PIBF1: variants seen among roughly 807,000 people sequenced by gnomAD.
PIBF1 encodes progesterone-induced-blocking factor 1.
PIBF1 carries 90 observed loss-of-function variants against 112.5 expected under a neutral mutation model. That is an observed-to-expected ratio of 0.80 (90% CI 0.67 to 0.95). The LOEUF is 0.95. Ranked by LOEUF, PIBF1 falls within the 40% of genes least tolerant of loss-of-function variation. The pLI is 0.00. For missense variants in PIBF1, 915 were observed against 852.3 expected (o/e 1.07, Z -0.92); for synonymous variants, 301 against 288.6 (o/e 1.04, Z -0.44).
intron 5 of PIBF1, among the ~76,000 whole-genome samples, chr13:72,809,325 G>A (rs2035892052): frequency 6.6e-6 from 1 of 151,274 alleles, no homozygotes. Context: ...TTTAGAACTT[G>A]GAGAATGGAG....
intron 10 of PIBF1, among the ~76,000 whole-genome samples, chr13:72,857,869 A>G (rs2038500508): frequency 6.6e-6 from 1 of 152,100 alleles, no homozygotes; most frequent in Non-Finnish European, 1.5e-5. Context: ...AAAACAAACT[A>G]TGCCTGTTTT....
intron 6 of PIBF1, among the ~76,000 whole-genome samples, chr13:72,826,660 C>T (rs2036826410): frequency 6.6e-6 from 1 of 151,716 alleles, no homozygotes; most frequent in African/African-American, 2.4e-5. Context: ...AACTGAAAGC[C>T]TAGAGCCATG....
intron 15 of PIBF1, among the ~76,000 whole-genome samples, chr13:72,971,442 G>A (rs1028104407): frequency 2.0e-5 from 3 of 152,122 alleles, no homozygotes; most frequent in Non-Finnish European, 2.9e-5. Context: ...GGAGACTCTA[G>A]CAGAACATGG....
intron 10 of PIBF1, among the ~76,000 whole-genome samples, chr13:72,874,083 G>A (rs1187244777): frequency 2.0e-5 from 3 of 152,120 alleles, no homozygotes; most frequent in East Asian, 3.9e-4. Context: ...TTTAAAACAC[G>A]GATATTACCA....
intron 16 of PIBF1, among the ~76,000 whole-genome samples, chr13:72,993,072 G>A (rs770136316): frequency 3.9e-4 from 59 of 152,090 alleles, no homozygotes; most frequent in Non-Finnish European, 6.0e-4. Context: ...AGTGGCTCAC[G>A]CCTGTAATCC....
In PIBF1 at chr13:72,918,726, A is replaced by G. The variant is rs570243959; in HGVS notation, c.1730+1560A>G. Among the ~76,000 whole-genome samples the G allele has an allele frequency of 4.5e-5, 6 of 133,104 alleles. No individual in the cohort carries two copies. In the South Asian group the frequency reaches 1.4e-3, roughly 32 times the overall value. The allele number at this position is 133,104 out of a possible 152,430, so 87.3% of individuals were successfully genotyped here. On this transcript the variant is annotated intron_variant, in intron 13 of 17. Coordinates refer to ENST00000326291, the MANE Select transcript of PIBF1 (RefSeq NM_006346.4). ...TACATCTTTTTTTTTTTTTTTTGAG[A>G]CAGAGACTCACTGTGTCACCCAGGC...
rs1372162330 is a variant in PIBF1, at chr13:72,883,939, C to CAT, written c.1323-9844_1323-9843insTA. ...TATTAAATATACAGATATATACGTA[C>CAT]ACACATACATACATACATGCATAAA... On this transcript the variant is annotated intron_variant, in intron 10 of 17. Coordinates refer to ENST00000326291, the MANE Select transcript of PIBF1 (RefSeq NM_006346.4). Among the ~76,000 whole-genome samples the CAT allele has an allele frequency of 1.1e-4, 8 of 72,658 alleles. No individual in the cohort carries two copies. The East Asian group carries it at 3.1e-3, about 29-fold the overall frequency. The allele number at this position is 72,658 out of a possible 152,430, so 47.7% of individuals were successfully genotyped here.
At chr13:72,874,945 A>G (rs9543155) in intron 10 of PIBF1, among the ~76,000 whole-genome samples, 18,112 of 152,102 alleles carry the variant, frequency 0.12, 1,447 homozygotes, top group Non-Finnish European at 0.17. Context: ...CCCAAACTCT[A>G]TAGTTTTCAT....
intron 16 of PIBF1, among the ~76,000 whole-genome samples, chr13:72,979,654 T>C (rs1310300934): frequency 1.3e-5 from 2 of 152,152 alleles, no homozygotes; most frequent in Non-Finnish European, 2.9e-5. Flanking sequence ...CCGGGCGTGG[T>C]GGCTCAAGCC....
chr13:72,927,986 TATACACAC>T (rs1478134617), intron 13 of PIBF1, among the ~76,000 whole-genome samples: 2 of 60,440 alleles, frequency 3.3e-5, no homozygotes, highest in East Asian at 5.0e-4. Flanking sequence ...TACATATATA[TATACACAC>T]ACATATATAT....
intron 14 of PIBF1, among the ~76,000 whole-genome samples, chr13:72,947,640 A>G (rs2042184937): frequency 6.6e-6 from 1 of 152,226 alleles, no homozygotes; most frequent in Middle Eastern, 3.4e-3. Flanking sequence ...TTTCCCCCAG[A>G]GTGTAAATTA....
chr13:73,001,663 G>A (rs1260355845), intron 17 of PIBF1, among the ~76,000 whole-genome samples: 3 of 127,904 alleles, frequency 2.3e-5, no homozygotes, highest in Non-Finnish European at 3.1e-5. Flanking sequence ...TCACTCTGTC[G>A]CCCAGGCTGG....
At position 73,016,383 on chromosome 13, in the gene PIBF1, GT is replaced by G. The variant is rs1282883737; in HGVS notation, c.*471del. The G allele has an allele frequency of 6.6e-6, 1 of 152,018 alleles. No individual in the cohort carries two copies. The highest frequency in any genetic ancestry group is 1.9e-4 in the East Asian group (1 of 5,188). The allele number at this position is 152,018 out of a possible 1,614,324, so 9.4% of individuals were successfully genotyped here. On this transcript the variant is annotated 3_prime_UTR_variant, in exon 18 of 18. Transcript: ENST00000326291. ...ACAGATTGTTGACTCTTTTGAAGTT[GT>G]TTTTTTCTTATATTTTATATTACCA...
At chr13:72,939,709 G>A (rs2041962599) in intron 14 of PIBF1, among the ~76,000 whole-genome samples, 1 of 152,098 alleles carries the variant, frequency 6.6e-6, no homozygotes, top group Admixed American at 6.6e-5. Flanking sequence ...ACAAGCAAAT[G>A]TATGAGTACC....
rs537092193 is a variant in PIBF1 at position 73,002,109 on chromosome 13, T to C, written c.2223+3114T>C. On this transcript the variant is annotated intron_variant, in intron 17 of 17. Transcript: ENST00000326291. ...CAAAAACTAATTGAACCACAGAATG[T>C]AAGTGCCTTAAGGACAGAAACTGTA... is the stretch of plus-strand genomic sequence containing the variant. 9.8e-5 allele frequency among the ~76,000 whole-genome samples: 15 copies of C among 152,314 alleles called. No homozygotes were observed. In the South Asian group the frequency reaches 2.7e-3, roughly 27 times the overall value.
At chr13:72,904,481 C>T (rs1320248566) in intron 11 of PIBF1, among the ~76,000 whole-genome samples, 8 of 82,532 alleles carry the variant, frequency 9.7e-5, no homozygotes, top group Non-Finnish European at 9.9e-5. Context: ...TGCTCTGTCA[C>T]CCTGGCTGGA....
chr13:72,965,199 T>A, intron 14 of PIBF1, 75 bp from the exon 15 acceptor site: 1 of 1,285,234 alleles, frequency 7.8e-7, no homozygotes, highest in Middle Eastern at 1.8e-4. Flanking sequence ...GTACTATATT[T>A]GTGCTAGAGC....
intron 9 of PIBF1, among the ~76,000 whole-genome samples, chr13:72,845,590 C>T (rs984001802): frequency 6.6e-6 from 1 of 152,142 alleles, no homozygotes; most frequent in African/African-American, 2.4e-5. Context: ...GGAATCGCTA[C>T]ACTGTCTTCC....
At chr13:73,008,793 A>T (rs2044113494) in intron 17 of PIBF1, among the ~76,000 whole-genome samples, 1 of 152,232 alleles carries the variant, frequency 6.6e-6, no homozygotes, top group African/African-American at 2.4e-5. Context: ...TGCTCAAACC[A>T]CAAAAATCAA....
Sources: gnomAD v4.1 joint callset for allele counts (sites outside exome capture counted in the v4.1 genomes callset) on GRCh38, gnomAD v4.1.1 for gene constraint, MANE v1.5 for transcripts, NCBI Gene and HGNC (gene_info 2026-07-23, HGNC 2026-07-21) for gene names.